MYO3B: variants seen among roughly 807,000 people sequenced by gnomAD.
MYO3B encodes the protein myosin IIIB.
Under a neutral mutation model 174.6 loss-of-function variants are expected in MYO3B, and 156 were observed. The ratio of observed to expected loss-of-function variants is 0.89; its 90% CI spans 0.78 to 1.02. The LOEUF (loss-of-function observed/expected upper bound fraction) is 1.02. MYO3B is among the 50% of genes least tolerant of loss of function. The pLI is 0.00. For synonymous variants in MYO3B, 563 were observed against 569.1 expected, an observed-to-expected ratio of 0.99 and a Z score of 0.15; for missense variants, 1,632 against 1,639.4, an observed-to-expected ratio of 1.00 and a Z score of 0.08.
intron 32 of MYO3B, among the ~76,000 whole-genome samples, chr2:170,622,111 C>CT (rs1407534957): frequency 5.9e-5 from 9 of 152,160 alleles, no homozygotes; most frequent in Non-Finnish European, 1.3e-4. Flanking sequence ...ATCTTACATC[C>CT]TTTACTTATA....
At chr2:170,508,210 T>G (rs1169091873) in intron 28 of MYO3B, among the ~76,000 whole-genome samples, 1 of 152,182 alleles carries the variant, frequency 6.6e-6, no homozygotes, top group Non-Finnish European at 1.5e-5. Context: ...ATTATGAACC[T>G]TGTTTAGCAT....
At chr2:170,188,845 C>G (rs1429956937) in intron 1 of MYO3B, among the ~76,000 whole-genome samples, 1 of 152,066 alleles carries the variant, frequency 6.6e-6, no homozygotes, top group Non-Finnish European at 1.5e-5. Context: ...TACTTTTGAT[C>G]AGTTCATCTT....
At chr2:170,474,597 G>C (rs1489108388) in intron 25 of MYO3B, among the ~76,000 whole-genome samples, 1 of 150,942 alleles carries the variant, frequency 6.6e-6, no homozygotes, top group African/African-American at 2.4e-5. Flanking sequence ...ATAATAATAA[G>C]CCAGGCGTGG....
chr2:170,631,897 A>T (rs1174319431), intron 32 of MYO3B, among the ~76,000 whole-genome samples: 1 of 152,236 alleles, frequency 6.6e-6, no homozygotes, highest in Non-Finnish European at 1.5e-5. Context: ...CAAAAGAGAC[A>T]AGGAAAACCA....
chr2:170,236,278 G>C, intron 7 of MYO3B, 142 bp downstream of exon 7: 1 of 974,050 alleles, frequency 1.0e-6, no homozygotes, highest in Non-Finnish European at 1.5e-6. Context: ...AAAAAGCAAG[G>C]GGGGCTGGGG....
At chr2:170,561,847 A>C (rs1443034618) in intron 32 of MYO3B, among the ~76,000 whole-genome samples, 1 of 152,206 alleles carries the variant, frequency 6.6e-6, no homozygotes, top group Non-Finnish European at 1.5e-5. Context: ...GAAGATGTAC[A>C]CGCAATACAT....
chr2:170,310,065 G>T (rs1410607999), intron 7 of MYO3B, among the ~76,000 whole-genome samples: 1 of 152,146 alleles, frequency 6.6e-6, no homozygotes, highest in East Asian at 1.9e-4. Flanking sequence ...TGTTTTCAAG[G>T]CTTATGCACA....
intron 25 of MYO3B, among the ~76,000 whole-genome samples, chr2:170,495,306 G>A (rs569720116): frequency 2.0e-4 from 31 of 152,172 alleles, no homozygotes; most frequent in African/African-American, 7.5e-4. Context: ...TCACCATGGT[G>A]CCTGCTAGAA....
intron 1 of MYO3B, among the ~76,000 whole-genome samples, chr2:170,198,114 T>G (rs2092620609): frequency 6.7e-3 from 2 of 298 alleles, no homozygotes; most frequent in South Asian, 0.083. Flanking sequence ...TCCTTTGGGT[T>G]TTTTTTTTTT....
Position 170,595,022 on chromosome 2 carries a change from C to T in MYO3B, c.3733+51034C>T, listed in dbSNP as rs1025666197. 1.3e-5 allele frequency among the ~76,000 whole-genome samples: 2 copies of T among 152,140 alleles called. 1 individual carries two copies. Among genetic ancestry groups the T allele is most frequent in the Non-Finnish European group, 2.9e-5 (2 of 68,040 alleles). On this transcript the variant is annotated intron_variant, in intron 32 of 34. Coordinates refer to ENST00000408978, the MANE Select transcript of MYO3B (RefSeq NM_138995.5). ...CCAGGCTTCTGAGAAAGAACCTGTG[C>T]AGGAGAGGGACATAGACATGGGCTC... is the stretch of plus-strand genomic sequence containing the variant.
At chr2:170,647,132 A>AACTC (rs1698448061) in intron 32 of MYO3B, among the ~76,000 whole-genome samples, 1 of 152,194 alleles carries the variant, frequency 6.6e-6, no homozygotes. Context: ...CTCAATATAT[A>AACTC]ACTCATCTCG....
At chr2:170,316,468 A>G (rs1321692993) in intron 7 of MYO3B, among the ~76,000 whole-genome samples, 1 of 152,180 alleles carries the variant, frequency 6.6e-6, no homozygotes, top group Non-Finnish European at 1.5e-5. Context: ...TGAAAAGGTC[A>G]TCTTATCTAC....
intron 8 of MYO3B, among the ~76,000 whole-genome samples, chr2:170,356,992 A>G (rs1037304478): frequency 1.3e-5 from 2 of 152,086 alleles, no homozygotes; most frequent in African/African-American, 4.8e-5. Context: ...TGTGTGGCTC[A>G]GGCTTGTCTC....
At chr2:170,650,449 C>T (rs987486683) in intron 32 of MYO3B, among the ~76,000 whole-genome samples, 1 of 151,872 alleles carries the variant, frequency 6.6e-6, no homozygotes, top group Non-Finnish European at 1.5e-5. Context: ...GTAAAATCTC[C>T]AACTCTTTTT....
chr2:170,352,821 C>A (rs1338589856), intron 8 of MYO3B, among the ~76,000 whole-genome samples: 2 of 152,166 alleles, frequency 1.3e-5, no homozygotes, highest in Non-Finnish European at 2.9e-5. Flanking sequence ...CTGCATATAA[C>A]TTTTGACAAT....
rs559086883 is a variant in MYO3B at position 170,537,448 on chromosome 2, A to ATTTTTTTTTTTTTTTTTTTTTTTTT, written c.3576-5449_3576-5425dup. ...ACCTTCTCTTATTAAGAGCTCTTTG[A>ATTTTTTTTTTTTTTTTTTTTTTTTT]TTTTTTTTTTTTTTTTTTTTTTTTT... On this transcript the variant is annotated intron_variant, in intron 30 of 34. Transcript: ENST00000408978. 5.5e-5 allele frequency among the ~76,000 whole-genome samples: 3 copies of ATTTTTTTTTTTTTTTTTTTTTTTTT among 54,824 alleles called. No individual in the cohort carries two copies. The East Asian group carries it at 2.2e-3, about 40-fold the overall frequency. The allele number at this position is 54,824 out of a possible 152,430, so 36.0% of individuals were successfully genotyped here.
At chr2:170,340,758 A>G (rs1044954292) in intron 8 of MYO3B, 2 of 152,112 alleles carry the variant, frequency 1.3e-5, no homozygotes, top group African/African-American at 4.8e-5. Context: ...ATGGCAGGTC[A>G]CCTGTCACAT....
intron 3 of MYO3B, among the ~76,000 whole-genome samples, chr2:170,205,914 A>T (rs2092709426): frequency 6.6e-6 from 1 of 152,118 alleles, no homozygotes; most frequent in Admixed American, 6.6e-5. Flanking sequence ...TATGGGTAGT[A>T]TACAGGTATA....
chr2:170,580,718 A>ATATATATATGTGTGTGTGTGTG (rs768974458), intron 32 of MYO3B, among the ~76,000 whole-genome samples: 2 of 142,700 alleles, frequency 1.4e-5, no homozygotes, highest in African/African-American at 5.2e-5. Flanking sequence ...AACCTTATAT[A>ATATATATATGTGTGTGTGTGTG]TGTGTGTGTG....
Sources: allele counts gnomAD v4.1 joint callset (sites outside exome capture counted in the v4.1 genomes callset), GRCh38; gene constraint gnomAD v4.1.1; transcripts MANE v1.5; gene names NCBI Gene and HGNC (gene_info 2026-07-23, HGNC 2026-07-21).